METTL15: variants seen among roughly 807,000 people sequenced by gnomAD.
METTL15 encodes methyltransferase 15, mitochondrial 12S rRNA N4-cytidine.
A neutral mutation model predicts 38.3 loss-of-function variants in METTL15; 34 were observed. The observed-to-expected ratio is 0.89, with a 90% CI of 0.68 to 1.18. The LOEUF is 1.18. Ranked by LOEUF, METTL15 falls within the 50% of genes most tolerant of loss-of-function variation. The pLI, the probability that METTL15 is intolerant of heterozygous loss-of-function variation, is 0.00. For synonymous variants in METTL15, 162 were observed against 170.9 expected, an observed-to-expected ratio of 0.95 and a Z score of 0.41; for missense variants, 438 against 498.4, an observed-to-expected ratio of 0.88 and a Z score of 1.15.
intron 3 of METTL15, among the ~76,000 whole-genome samples, chr11:28,342,214 A>G (rs186578414): frequency 1.3e-5 from 2 of 152,104 alleles, no homozygotes; most frequent in East Asian, 3.9e-4. Context: ...TGCCCTTCCC[A>G]TGATTTAGTT....
chr11:28,257,370 C>A (rs1471402316), intron 4 of METTL15, among the ~76,000 whole-genome samples: 1 of 152,116 alleles, frequency 6.6e-6, no homozygotes, highest in Admixed American at 6.5e-5. Flanking sequence ...AGGTAGTCTT[C>A]TTTGGGTTAA....
At chr11:28,477,519 A>G (rs1851357104) in intron 6 of METTL15, 1 of 152,176 alleles carries the variant, frequency 6.6e-6, no homozygotes, top group Non-Finnish European at 1.5e-5. Flanking sequence ...GTATTGCCAC[A>G]ACGATCCTTA....
At chr11:28,426,582 C>CTTT (rs1850866268) in intron 6 of METTL15, among the ~76,000 whole-genome samples, 2 of 85,508 alleles carry the variant, frequency 2.3e-5, no homozygotes, top group African/African-American at 1.5e-4. Flanking sequence ...TTGCCAGCAT[C>CTTT]TGTTTTTTTT....
chr11:28,470,970 T>G lies in METTL15; in HGVS notation c.*424+46606T>G, dbSNP rs538510612. Reference sequence around the variant, plus strand: ...CTCATTTTCCCCGTGCTGATTTTAGTGGCCTAAAACAACAACAACTTCTTC... The same window carrying G: ...CTCATTTTCCCCGTGCTGATTTTAGGGGCCTAAAACAACAACAACTTCTTC... On this transcript the variant is annotated intron_variant and NMD_transcript_variant, in intron 6 of 7. Coordinates refer to the METTL15 transcript ENST00000532947. Among the ~76,000 whole-genome samples the G allele has an allele frequency of 3.3e-5, 5 of 152,240 alleles. No homozygotes were observed. The East Asian group carries it at 9.7e-4, about 29-fold the overall frequency.
chr11:28,469,374 A>G lies in METTL15; in HGVS notation c.*424+45010A>G, dbSNP rs1347445250. 2.0e-5 allele frequency among the ~76,000 whole-genome samples: 3 copies of G among 152,326 alleles called. No homozygotes were observed. In the East Asian group the frequency reaches 5.8e-4, roughly 29 times the overall value. ...TATTATCACAATAAAGCTAATTAACATATCCATTCCATCGGCACACATAGT... is the reference window on the plus strand; with the variant it reads ...TATTATCACAATAAAGCTAATTAACGTATCCATTCCATCGGCACACATAGT... On this transcript the variant is annotated intron_variant and NMD_transcript_variant, in intron 6 of 7. Transcript: ENST00000532947.
intron 3 of METTL15, among the ~76,000 whole-genome samples, chr11:28,193,828 A>C (rs1851789334): frequency 6.6e-6 from 1 of 152,138 alleles, no homozygotes; most frequent in Admixed American, 6.6e-5. Context: ...CCCTTGGCAC[A>C]GGATCTCTAA....
chr11:28,456,464 T>A (rs887318585), intron 6 of METTL15, among the ~76,000 whole-genome samples: 1 of 151,964 alleles, frequency 6.6e-6, no homozygotes, highest in African/African-American at 2.4e-5. Flanking sequence ...TGTTTTGTTT[T>A]GAGGCAGATC....
At chr11:28,317,210 T>C (rs1857511475) in intron 6 of METTL15, among the ~76,000 whole-genome samples, 2 of 151,556 alleles carry the variant, frequency 1.3e-5, no homozygotes. Flanking sequence ...CTGGTAGGAG[T>C]TGGGGATTAA....
intron 5 of METTL15, among the ~76,000 whole-genome samples, chr11:28,293,218 G>C (rs981715510): frequency 7.2e-5 from 11 of 152,124 alleles, no homozygotes; most frequent in African/African-American, 2.7e-4. Flanking sequence ...AATCCATCTT[G>C]AATTAATTTT....
chr11:28,505,193 T>C (rs995810200), intron 6 of METTL15, among the ~76,000 whole-genome samples: 3 of 152,138 alleles, frequency 2.0e-5, no homozygotes, highest in Admixed American at 6.5e-5. Context: ...TATGTGTGTT[T>C]TTTTTAACAT....
At chr11:28,145,931 C>T (rs956166779) in intron 3 of METTL15, among the ~76,000 whole-genome samples, 3 of 151,874 alleles carry the variant, frequency 2.0e-5, no homozygotes, top group African/African-American at 7.2e-5. Context: ...CTTTTCTTCG[C>T]ATCTGAATTT....
At chr11:28,372,985 T>A (rs576002162) in intron 5 of METTL15, among the ~76,000 whole-genome samples, 62 of 151,936 alleles carry the variant, frequency 4.1e-4, no homozygotes, top group African/African-American at 1.5e-3. Flanking sequence ...TTCCATGGTG[T>A]ATATGTGCCA....
intron 5 of METTL15, among the ~76,000 whole-genome samples, chr11:28,380,672 A>G (rs2133384464): frequency 6.6e-6 from 1 of 152,260 alleles, no homozygotes; most frequent in Non-Finnish European, 1.5e-5. Context: ...AATTGTGATC[A>G]GGCTTATTAA....
At chr11:28,260,320 T>C (rs943766245) in intron 4 of METTL15, among the ~76,000 whole-genome samples, 3 of 152,196 alleles carry the variant, frequency 2.0e-5, no homozygotes, top group African/African-American at 7.2e-5. Context: ...GGGCTTTTTC[T>C]TCATACTGCT....
chr11:28,210,980 T>C (rs1852610833), intron 3 of METTL15, 82 bp from the exon 4 acceptor site: 2 of 1,378,392 alleles, frequency 1.5e-6, no homozygotes, highest in South Asian at 1.4e-5. Context: ...AAAATCATTG[T>C]GTGCTTCTAG....
At chr11:28,464,604 A>G (rs974298465) in intron 6 of METTL15, among the ~76,000 whole-genome samples, 2 of 152,200 alleles carry the variant, frequency 1.3e-5, no homozygotes, top group Non-Finnish European at 2.9e-5. Context: ...GAAACAGATG[A>G]TATGTGAATC....
At chr11:28,498,127 A>G (rs1851551379) in intron 6 of METTL15, among the ~76,000 whole-genome samples, 1 of 152,008 alleles carries the variant, frequency 6.6e-6, no homozygotes, top group African/African-American at 2.4e-5. Context: ...CACTTCCCCC[A>G]AAGTCCCCAT....
intron 4 of METTL15, among the ~76,000 whole-genome samples, chr11:28,239,683 C>G (rs868631741): frequency 2.5e-4 from 38 of 152,270 alleles, no homozygotes; most frequent in African/African-American, 4.1e-4. Context: ...TTAAGTACAC[C>G]TAGCATGTTT....
intron 6 of METTL15, among the ~76,000 whole-genome samples, chr11:28,495,042 G>A (rs1399393378): frequency 1.1e-4 from 17 of 152,142 alleles, no homozygotes; most frequent in Admixed American, 9.8e-4. Context: ...ACTAATATCG[G>A]TTATTATTTT....
Sources: allele counts gnomAD v4.1 joint callset (sites outside exome capture counted in the v4.1 genomes callset), GRCh38; gene constraint gnomAD v4.1.1; transcripts MANE v1.5; gene names NCBI Gene and HGNC (gene_info 2026-07-23, HGNC 2026-07-21).